Variants in CLVS1 observed in about 807,000 individuals in gnomAD.
CLVS1 encodes the protein clavesin-1.
CLVS1 carries 10 observed loss-of-function variants against 33.1 expected under a neutral mutation model. The observed-to-expected ratio is 0.30, with a 90% CI of 0.19 to 0.51. The LOEUF is 0.51. Ranked by LOEUF, CLVS1 falls within the 20% of genes least tolerant of loss-of-function variation. CLVS1 has a pLI of 0.97. For synonymous variants in CLVS1, 163 were observed against 166.1 expected, an observed-to-expected ratio of 0.98 and a Z score of 0.14; for missense variants, 343 against 433.4, an observed-to-expected ratio of 0.79 and a Z score of 1.85.
In CLVS1 at chr8:61,203,777, T is replaced by C. The variant is rs139814432; in HGVS notation, c.-152+71917T>C. 6.2e-3 allele frequency among the ~76,000 whole-genome samples: 951 copies of C among 152,314 alleles called. 38 individuals carry two copies. The highest frequency in any genetic ancestry group is 1.0e-3 in the Non-Finnish European group (71 of 68,024). ...CTTGCTTTCTGAACATCCTTGGATG[T>C]TATTTCTACTTGCCCCTTACACAGA... On this transcript the variant is annotated intron_variant, in intron 2 of 2. Coordinates refer to the CLVS1 transcript ENST00000522621.
intron 2 of CLVS1, among the ~76,000 whole-genome samples, chr8:61,347,495 G>T (rs1479481572): frequency 6.6e-6 from 1 of 151,514 alleles, no homozygotes; most frequent in African/African-American, 2.4e-5. Flanking sequence ...ATTAATATAT[G>T]TTGGTCAAAG....
chr8:61,282,255 C>A (rs151333441), intron 2 of CLVS1, among the ~76,000 whole-genome samples: 2 of 151,916 alleles, frequency 1.3e-5, no homozygotes, highest in African/African-American at 4.8e-5. Flanking sequence ...AGTTGCAGAG[C>A]GAAGTGGCAG....
At chr8:61,090,576 C>G (rs552123631) in intron 1 of CLVS1, among the ~76,000 whole-genome samples, 194 of 152,186 alleles carry the variant, frequency 1.3e-3, no homozygotes, top group African/African-American at 4.5e-3. Context: ...CCAAGAGCCA[C>G]AGAGAATCAT....
rs570891837 is a variant in CLVS1, at chr8:61,328,167, A to G, written c.455+27885A>G. On this transcript the variant is annotated intron_variant, in intron 2 of 5. Coordinates refer to ENST00000325897, the MANE Select transcript of CLVS1 (RefSeq NM_173519.3). ...CTTGCCTGAGACCATAGCTGTAGTA[A>G]ACGGGTGAAGCAGGGATTCCAACTC... is the stretch of plus-strand genomic sequence containing the variant. Among the ~76,000 whole-genome samples the G allele has an allele frequency of 1.8e-4, 27 of 152,260 alleles. No individual in the cohort carries two copies. The East Asian group carries it at 4.6e-3, about 26-fold the overall frequency.
intron 3 of CLVS1, among the ~76,000 whole-genome samples, chr8:61,440,178 C>A (rs1816487701): frequency 6.6e-6 from 1 of 152,190 alleles, no homozygotes; most frequent in South Asian, 2.1e-4. Context: ...GCACCTCCTG[C>A]ATTTTACTCA....
chr8:61,193,520 A>G (rs1336015209), intron 2 of CLVS1, among the ~76,000 whole-genome samples: 4 of 36,496 alleles, frequency 1.1e-4, no homozygotes, highest in Non-Finnish European at 3.4e-4. Context: ...AAGTATAATA[A>G]AAAAAAAAGA....
At chr8:61,105,923 T>G (rs1016092178) in intron 1 of CLVS1, among the ~76,000 whole-genome samples, 1 of 152,162 alleles carries the variant, frequency 6.6e-6, no homozygotes, top group Non-Finnish European at 1.5e-5. Context: ...CTCCCGCTCA[T>G]GCCCGCCCTG....
At chr8:60,969,838 T>A in the CLVS1 span, among the ~76,000 whole-genome samples, 2 of 152,200 alleles carry the variant, frequency 1.3e-5, no homozygotes, top group Non-Finnish European at 2.9e-5. Flanking sequence ...GTATAACAAC[T>A]ATCTATAGAG....
chr8:61,183,812 C>A (rs1035402154), intron 2 of CLVS1, among the ~76,000 whole-genome samples: 2 of 152,174 alleles, frequency 1.3e-5, no homozygotes, highest in South Asian at 2.1e-4. Flanking sequence ...GTAGAAGCCA[C>A]TCACAGCTAT....
intron 1 of CLVS1, chr8:61,292,154 C>T: frequency 3.3e-6 from 1 of 302,092 alleles, no homozygotes; most frequent in South Asian, 3.0e-5. Context: ...TTACGTCTGA[C>T]TATTAAATAA....
chr8:61,227,686 T>A (rs1279759156), intron 2 of CLVS1, among the ~76,000 whole-genome samples: 3 of 152,224 alleles, frequency 2.0e-5, no homozygotes, highest in Non-Finnish European at 4.4e-5. Flanking sequence ...CTCATCTCGC[T>A]CTCTGTCAAA....
intron 2 of CLVS1, among the ~76,000 whole-genome samples, chr8:61,317,763 A>T (rs764007147): frequency 1.3e-4 from 20 of 152,150 alleles, no homozygotes; most frequent in Admixed American, 2.6e-4. Flanking sequence ...TCCAAAATCA[A>T]TTTCTCTGTT....
intron 1 of CLVS1, among the ~76,000 whole-genome samples, chr8:61,294,868 G>A (rs3852344): frequency 0.26 from 39,273 of 151,968 alleles, 7,566 homozygotes; most frequent in East Asian, 0.84. Flanking sequence ...TCTTTGATTC[G>A]TAAGGAATAC....
chr8:61,015,829 C>T, the CLVS1 span, among the ~76,000 whole-genome samples: 1 of 152,158 alleles, frequency 6.6e-6, no homozygotes, highest in Non-Finnish European at 1.5e-5. Context: ...TCCAACCGGC[C>T]TTCCACCACT....
chr8:61,148,018 T>G (rs1477777091), intron 2 of CLVS1, among the ~76,000 whole-genome samples: 1 of 152,224 alleles, frequency 6.6e-6, no homozygotes, highest in Non-Finnish European at 1.5e-5. Flanking sequence ...TCAGAACACA[T>G]ATTTAGAACA....
intron 2 of CLVS1, among the ~76,000 whole-genome samples, chr8:61,173,329 TATCA>T: frequency 6.6e-6 from 1 of 152,338 alleles, no homozygotes; most frequent in African/African-American, 2.4e-5. Context: ...TTTTAGTGCA[TATCA>T]ATCATTACAT....
At chr8:61,163,462 A>G (rs1257087818) in intron 2 of CLVS1, among the ~76,000 whole-genome samples, 1 of 152,200 alleles carries the variant, frequency 6.6e-6, no homozygotes, top group Non-Finnish European at 1.5e-5. Context: ...GAAAGACTCT[A>G]TATGTAAAAA....
intron 1 of CLVS1, among the ~76,000 whole-genome samples, chr8:61,066,468 A>T (rs1563390092): frequency 6.6e-6 from 1 of 152,188 alleles, no homozygotes; most frequent in Non-Finnish European, 1.5e-5. Context: ...ACTGCACTCC[A>T]GCTTGAGGGA....
At chr8:61,149,581 C>CAAAAAG (rs201804708) in intron 2 of CLVS1, among the ~76,000 whole-genome samples, 2,306 of 118,470 alleles carry the variant, frequency 0.019, 90 homozygotes, top group African/African-American at 0.07. Context: ...AAAAACAAAA[C>CAAAAAG]AAAAAGAAAA....
Sources: allele counts gnomAD v4.1 joint callset (sites outside exome capture counted in the v4.1 genomes callset), GRCh38; gene constraint gnomAD v4.1.1; transcripts MANE v1.5; gene names NCBI Gene and HGNC (gene_info 2026-07-23, HGNC 2026-07-21).